GNAQ: variants seen among roughly 807,000 people sequenced by gnomAD.
The protein encoded by GNAQ is guanine nucleotide-binding protein G(q) subunit alpha.
A neutral mutation model predicts 43.9 loss-of-function variants in GNAQ; 8 were observed. The ratio of observed to expected loss-of-function variants is 0.18; its 90% CI spans 0.11 to 0.33. The LOEUF (loss-of-function observed/expected upper bound fraction) is 0.33, where lower values mean the gene tolerates loss of function less well. Ranked by LOEUF, GNAQ falls within the 10% of genes least tolerant of loss-of-function variation. The pLI is 1.00. For missense variants in GNAQ, 158 were observed against 450.8 expected (o/e 0.35, Z 5.88); for synonymous variants, 155 against 170.7 (o/e 0.91, Z 0.71).
At chr9:77,858,187 C>A (rs1456904012) in intron 2 of GNAQ, among the ~76,000 whole-genome samples, 1 of 152,158 alleles carries the variant, frequency 6.6e-6, no homozygotes, top group Non-Finnish European at 1.5e-5. Flanking sequence ...AGCACTGGCA[C>A]AATCATGAGA....
Position 77,717,360 on chromosome 9 carries a change from A to G in GNAQ, c.*3963T>C. ...ATATTTGGGTACACTTTATTTTTAT[A>G]TGGGTTAACATTCTGCTATATTTCA... On this transcript the variant is annotated 3_prime_UTR_variant, in exon 7 of 7. Transcript: ENST00000286548. The G allele has an allele frequency of 4.3e-6, 1 of 232,410 alleles. No individual in the cohort carries two copies. Among genetic ancestry groups the G allele is most frequent in the Non-Finnish European group, 8.5e-6 (1 of 117,598 alleles). The allele number at this position is 232,410 out of a possible 1,614,324, so 14.4% of individuals were successfully genotyped here.
intron 1 of GNAQ, among the ~76,000 whole-genome samples, chr9:77,967,596 A>G (rs1484045292): frequency 6.6e-6 from 1 of 152,214 alleles, no homozygotes; most frequent in Non-Finnish European, 1.5e-5. Context: ...CATTTATTTG[A>G]AAAGTCCAAA....
chr9:77,903,719 G>A (rs1321302913), intron 2 of GNAQ, among the ~76,000 whole-genome samples: 1 of 152,016 alleles, frequency 6.6e-6, no homozygotes, highest in African/African-American at 2.4e-5. Context: ...GTGTGTGTAT[G>A]TATGTGTGTA....
At chr9:77,760,641 G>A (rs575832203) in intron 5 of GNAQ, among the ~76,000 whole-genome samples, 1 of 152,290 alleles carries the variant, frequency 6.6e-6, no homozygotes, top group South Asian at 2.1e-4. Context: ...CGTCTAGGAA[G>A]TGAGGAGCGT....
At chr9:77,804,209 T>TC (rs938201095) in intron 3 of GNAQ, among the ~76,000 whole-genome samples, 5 of 151,218 alleles carry the variant, frequency 3.3e-5, no homozygotes, top group Non-Finnish European at 7.4e-5. Context: ...GAACCACCCC[T>TC]CCCCCCACCT....
intron 2 of GNAQ, among the ~76,000 whole-genome samples, chr9:77,849,537 G>A (rs1188853272): frequency 6.6e-6 from 1 of 152,056 alleles, no homozygotes; most frequent in African/African-American, 2.4e-5. Flanking sequence ...AAGGAAAATG[G>A]TCATCTGGTC....
At chr9:77,939,211 C>T (rs186956265) in intron 1 of GNAQ, among the ~76,000 whole-genome samples, 6 of 152,302 alleles carry the variant, frequency 3.9e-5, no homozygotes, top group African/African-American at 1.4e-4. Context: ...TGAATAAATA[C>T]ACACATTTAC....
intron 2 of GNAQ, among the ~76,000 whole-genome samples, chr9:77,887,208 T>G (rs1316388161): frequency 2.6e-5 from 4 of 152,198 alleles, no homozygotes; most frequent in African/African-American, 9.6e-5. Context: ...CTCCCATGTT[T>G]GGGAAACAGC....
intron 2 of GNAQ, among the ~76,000 whole-genome samples, chr9:77,888,925 G>C (rs2118099108): frequency 6.6e-6 from 1 of 152,170 alleles, no homozygotes; most frequent in Non-Finnish European, 1.5e-5. Flanking sequence ...ATGACATTTA[G>C]AATCAAATTA....
chr9:77,878,501 T>G (rs1449564259), intron 2 of GNAQ, among the ~76,000 whole-genome samples: 2 of 152,136 alleles, frequency 1.3e-5, no homozygotes, highest in Non-Finnish European at 2.9e-5. Flanking sequence ...GAAATTGAAC[T>G]GCATTGTATA....
At position 77,922,311 on chromosome 9, in the gene GNAQ, C is replaced by T. The variant is rs1829010957; in HGVS notation, c.171G>A (p.Lys57=). The T allele has an allele frequency of 1.2e-6, 2 of 1,613,456 alleles. No homozygotes were observed. Among genetic ancestry groups the T allele is most frequent in the South Asian group, 2.2e-5 (2 of 91,052 alleles). Reference sequence around the variant, plus strand: ...CTGACCCATGGATGATTCTCATCTGCTTGATAAACGTACTCTTGCCACTCT... The same window carrying T: ...CTGACCCATGGATGATTCTCATCTGTTTGATAAACGTACTCTTGCCACTCT... The part of the protein sequence containing the change: ...TGESGKSTFI[K]QMRIIHGSGY... The change falls in exon 2 of 7, where the codon AAG becomes AAA. Residue 57 remains lysine (K), a synonymous_variant. Coordinates refer to ENST00000286548, the MANE Select transcript of GNAQ (RefSeq NM_002072.5).
intron 2 of GNAQ, among the ~76,000 whole-genome samples, chr9:77,875,693 A>G (rs1237271045): frequency 6.6e-6 from 1 of 152,236 alleles, no homozygotes; most frequent in African/African-American, 2.4e-5. Context: ...TCCTAAAGGC[A>G]TCCCTTTATA....
intron 1 of GNAQ, among the ~76,000 whole-genome samples, chr9:77,984,046 G>A (rs1166318130): frequency 1.1e-4 from 6 of 56,652 alleles, no homozygotes; most frequent in Non-Finnish European, 1.8e-4. Context: ...GAATTTTGGA[G>A]AGCAAAAAAA....
chr9:77,991,844 T>C (rs189207789), intron 1 of GNAQ, among the ~76,000 whole-genome samples: 1 of 152,340 alleles, frequency 6.6e-6, no homozygotes, highest in East Asian at 1.9e-4. Context: ...CTGAGTTACT[T>C]CACTTAGAAT....
chr9:78,011,280 C>T lies in GNAQ; in HGVS notation c.136+19820G>A, dbSNP rs1330776257. 2.6e-5 allele frequency among the ~76,000 whole-genome samples: 4 copies of T among 152,174 alleles called. No individual in the cohort carries two copies. In the East Asian group the frequency reaches 5.8e-4, roughly 22 times the overall value. ...ACCATCATCTTCCAGTCCTCCAGCT[C>T]AAGTGCTAAGGGAAAGATACAAACA... On this transcript the variant is annotated intron_variant, in intron 1 of 6. Coordinates refer to ENST00000286548, the MANE Select transcript of GNAQ (RefSeq NM_002072.5).
At chr9:78,030,121 C>A (rs2118628461) in intron 1 of GNAQ, among the ~76,000 whole-genome samples, 1 of 152,080 alleles carries the variant, frequency 6.6e-6, no homozygotes, top group African/African-American at 2.4e-5. Context: ...TTTTCCTTCT[C>A]GCCCAGATTC....
rs554783626 is a variant in GNAQ, at chr9:77,904,317, C to CTTTTTTTTTTTTT, written c.321+17831_321+17843dup. Among the ~76,000 whole-genome samples the CTTTTTTTTTTTTT allele has an allele frequency of 2.7e-4, 21 of 77,432 alleles. 1 individual carries two copies. Among genetic ancestry groups the CTTTTTTTTTTTTT allele is most frequent in the East Asian group, 1.7e-3 (3 of 1,734 alleles). The allele number at this position is 77,432 out of a possible 152,430, so 50.8% of individuals were successfully genotyped here. On this transcript the variant is annotated intron_variant, in intron 2 of 6. Coordinates refer to ENST00000286548, the MANE Select transcript of GNAQ (RefSeq NM_002072.5). ...TGGAGTTAACAGAAGTTCACACCGG[C>CTTTTTTTTTTTTT]TTTTTTTTTTTTTTTTTTTTTTTTT...
At chr9:77,857,467 G>C (rs1050503077) in intron 2 of GNAQ, among the ~76,000 whole-genome samples, 6 of 144,458 alleles carry the variant, frequency 4.2e-5, no homozygotes, top group African/African-American at 1.5e-4. Flanking sequence ...AACAGGAAGG[G>C]AAGGAAGGGA....
intron 2 of GNAQ, among the ~76,000 whole-genome samples, chr9:77,847,957 A>C (rs1403001332): frequency 6.6e-6 from 1 of 152,166 alleles, no homozygotes; most frequent in East Asian, 1.9e-4. Flanking sequence ...GTATCTGTCC[A>C]TTTCAGTTTC....
Sources: allele counts gnomAD v4.1 joint callset (sites outside exome capture counted in the v4.1 genomes callset), GRCh38; gene constraint gnomAD v4.1.1; transcripts MANE v1.5; gene names NCBI Gene and HGNC (gene_info 2026-07-23, HGNC 2026-07-21).